Variants in BRICD5 observed in about 807,000 individuals in gnomAD.
The protein encoded by BRICD5 is BRICHOS domain containing 5, also known as BRICHOS domain-containing protein 5.
A neutral mutation model predicts 28.4 loss-of-function variants in BRICD5; 51 were observed. The ratio of observed to expected loss-of-function variants is 1.80; its 90% CI spans 1.43 to 2.27. The LOEUF (loss-of-function observed/expected upper bound fraction) is 2.27. BRICD5 is among the 30% of genes most tolerant of loss of function. The pLI, the probability that BRICD5 is intolerant of heterozygous loss-of-function variation, is 0.00. For missense variants in BRICD5, 456 were observed against 309.6 expected (o/e 1.47, Z -3.55); for synonymous variants, 177 against 130.2 (o/e 1.36, Z -2.44).
intron 2 of BRICD5, 56 bp from the exon 3 acceptor site, chr16:2,210,337 C>T: frequency 6.6e-7 from 1 of 1,505,524 alleles, no homozygotes; most frequent in Non-Finnish European, 8.9e-7. Flanking sequence ...GCACAGCCTC[C>T]AGCTCTGGGC....
chr16:2,209,502 C>T (rs947851884), intron 5 of BRICD5, 46 bp from the exon 6 acceptor site: 3 of 1,612,900 alleles, frequency 1.9e-6, no homozygotes, highest in Admixed American at 3.3e-5. Context: ...GCCCCCAGCT[C>T]CTCAAACCAT....
In BRICD5 at chr16:2,209,783, A is replaced by G. The variant is rs562911512; in HGVS notation, c.439-77T>C. On this transcript the variant is annotated intron_variant, in intron 4 of 5. Transcript: ENST00000328540. ...GCTTGGCAGGGCCGGGTACCCTCCAACCCCCAGTGATGTCCCCACCCTCAG... is the reference window on the plus strand; with the variant it reads ...GCTTGGCAGGGCCGGGTACCCTCCAGCCCCCAGTGATGTCCCCACCCTCAG... 6.2e-6 allele frequency: 9 copies of G among 1,459,932 alleles called. No individual in the cohort carries two copies. In the African/African-American group the frequency reaches 8.5e-5, roughly 14 times the overall value. 90.4% of individuals were successfully genotyped at this position (1,459,932 alleles called of 1,614,324 possible). A position where few individuals can be genotyped will look rare whatever the true frequency, so the allele number is the denominator to read the frequency against.
rs199768716 is a variant in BRICD5, at chr16:2,209,441, C to A, written c.608G>T (p.Arg203Leu). The change falls in exon 6 of 6, where the codon CGG (arginine) becomes CTG (leucine). Residue 203 changes from arginine to leucine, a missense_variant. Physicochemically the swap from Arg to Leu is moderately radical, Grantham distance 102. Coordinates refer to ENST00000328540, the MANE Select transcript of BRICD5 (RefSeq NM_182563.4). Reference sequence around the variant, plus strand: ...GATGTCGATGCAGAGATAAATCAGCCGCTGTCTCCGGGGCCCTGTGGCGAG... The same window carrying A: ...GATGTCGATGCAGAGATAAATCAGCAGCTGTCTCCGGGGCCCTGTGGCGAG... Reference protein sequence around the residue: ...ARRAEGPRRQRLIYLCIDICF... With the variant: ...ARRAEGPRRQLLIYLCIDICF... 1.2e-6 allele frequency: 2 copies of A among 1,613,746 alleles called. No individual in the cohort carries two copies. Among genetic ancestry groups the A allele is most frequent in the Non-Finnish European group, 8.5e-7 (1 of 1,180,006 alleles).
At chr16:2,209,843 G>T in intron 4 of BRICD5, 107 bp downstream of exon 4, 1 of 1,384,092 alleles carries the variant, frequency 7.2e-7, no homozygotes, top group Non-Finnish European at 9.7e-7. Flanking sequence ...GGCGGAGAGA[G>T]CTTCCTGTTC....
rs138073931 is a variant in BRICD5 at position 2,209,454 on chromosome 16, G to A, written c.595C>T (p.Pro199Ser). The change falls in exon 6 of 6, where the codon CCC (proline) becomes TCC (serine). Residue 199 changes from proline to serine, a missense_variant and splice_region_variant. By Grantham distance (74) the Pro-to-Ser change is moderately conservative. Coordinates refer to ENST00000328540, the MANE Select transcript of BRICD5 (RefSeq NM_182563.4). ...AGATAAATCAGCCGCTGTCTCCGGGGCCCTGTGGCGAGGGTGCCGTGAATC... is the reference window on the plus strand; with the variant it reads ...AGATAAATCAGCCGCTGTCTCCGGGACCCTGTGGCGAGGGTGCCGTGAATC... ...PIYWARRAEG[P>S]RRQRLIYLCI... 2.4e-5 allele frequency: 38 copies of A among 1,613,602 alleles called. No individual in the cohort carries two copies. The highest frequency in any genetic ancestry group is 3.3e-5 in the Admixed American group (2 of 60,024).
intron 2 of BRICD5, 67 bp from the exon 3 acceptor site, chr16:2,210,348 T>C (rs2141398139): frequency 1.3e-6 from 2 of 1,515,506 alleles, no homozygotes; most frequent in South Asian, 1.3e-5. Flanking sequence ...AGCTCTGGGC[T>C]GCAGGACTCC....
intron 4 of BRICD5, 108 bp from the exon 5 acceptor site, chr16:2,209,814 G>A: frequency 1.4e-6 from 2 of 1,410,160 alleles, no homozygotes. Flanking sequence ...CTCAGCTCTT[G>A]TCAGCAGCCT....
Position 2,210,567 on chromosome 16 carries a change from C to T in BRICD5, c.135G>A (p.Gly45=), listed in dbSNP as rs2093369357. ...AGCCAAGAAGCCCTCCAGCCACAACCCCCACAGCGGCCAGCACCAGCAGCA... is the reference window on the plus strand; with the variant it reads ...AGCCAAGAAGCCCTCCAGCCACAACTCCCACAGCGGCCAGCACCAGCAGCA... ...LLLLLVLAAV[G]VVAGGLLGSA... The change falls in exon 2 of 6, where the codon GGG becomes GGA. Residue 45 remains glycine, a synonymous_variant. Coordinates refer to ENST00000328540, the MANE Select transcript of BRICD5 (RefSeq NM_182563.4). 6.2e-7 allele frequency: 1 copy of T among 1,612,668 alleles called. No homozygotes were observed. The highest frequency in any genetic ancestry group is 2.2e-5 in the East Asian group (1 of 44,882).
chr16:2,209,905 T>C (rs2093365640), intron 4 of BRICD5, 45 bp downstream of exon 4: 1 of 1,467,690 alleles, frequency 6.8e-7, no homozygotes, highest in South Asian at 1.4e-5. Context: ...ACAGGACCCT[T>C]TGTCTAGCCC....
At position 2,209,455 on chromosome 16, in the gene BRICD5, C is replaced by T. The variant is rs2093361733; in HGVS notation, c.594G>A (p.Gly198=). 3.7e-5 allele frequency: 60 copies of T among 1,613,548 alleles called. No homozygotes were observed. Among genetic ancestry groups the T allele is most frequent in the Non-Finnish European group, 5.0e-5 (59 of 1,180,026 alleles). The change falls in exon 6 of 6, where the codon GGG becomes GGA. Residue 198 remains glycine (G), a splice_region_variant and synonymous_variant. Coordinates refer to ENST00000328540, the MANE Select transcript of BRICD5 (RefSeq NM_182563.4). ...TPIYWARRAE[G]PRRQRLIYLC... ...GATAAATCAGCCGCTGTCTCCGGGG[C>T]CCTGTGGCGAGGGTGCCGTGAATCT...
chr16:2,210,508 G>A lies in BRICD5; in HGVS notation c.180+14C>T. On this transcript the variant is annotated intron_variant, in intron 2 of 5. Transcript: ENST00000328540. The stretch of plus-strand genomic sequence containing the variant: ...TTCCACTGTCCATGTCCCTGGTGCT[G>A]AGGAGGGGCTCACCTTGGGAGGGCC... The A allele has an allele frequency of 1.3e-6, 2 of 1,596,104 alleles. No homozygotes were observed. The highest frequency in any genetic ancestry group is 1.1e-5 in the South Asian group (1 of 89,298).
Position 2,210,263 on chromosome 16 carries a change from G to C in BRICD5, c.199C>G (p.Arg67Gly). ...GPPKPRLQTL[R>G]MTLPSPHMPR... ...ATGTGGGGGCTCGGGAGGGTCATTC[G>C]CAGCGTCTGCAGCCTTGGCTGGCAG... Residue 67 changes from arginine to glycine, a missense_variant, in exon 3 of 6, where the codon CGA (arginine) becomes GGA (glycine). By Grantham distance (125) the Arg-to-Gly change is moderately radical (BLOSUM62 -2). Transcript: ENST00000328540. The C allele has an allele frequency of 2.6e-6, 4 of 1,534,284 alleles. No homozygotes were observed. The South Asian group carries it at 4.7e-5, about 18-fold the overall frequency.
In BRICD5 at chr16:2,209,534, C is replaced by G. The variant is rs759258705; in HGVS notation, c.592+19G>C. 1.9e-6 allele frequency: 3 copies of G among 1,612,308 alleles called. No individual in the cohort carries two copies. Among genetic ancestry groups the G allele is most frequent in the East Asian group, 2.2e-5 (1 of 44,900 alleles). ...CCATCCCGAGGGCCTGGCCTTCCCC[C>G]ACAGCGGTCCTGACTCACCCTCTGC... On this transcript the variant is annotated intron_variant, in intron 5 of 5. Coordinates refer to ENST00000328540, the MANE Select transcript of BRICD5 (RefSeq NM_182563.4).
In BRICD5 at chr16:2,210,044, A is replaced by G. The variant is rs778225294; in HGVS notation, c.344T>C (p.Ile115Thr). ...AVLFDGQSGC[I>T]CYRPEEHQVC... is the part of the protein sequence containing the mutation. ...CTGGTGCTCCTCAGGGCGGTAACAG[A>G]TGCAGCCCTGGGGAGGCAGGGGGGT... The change falls in exon 4 of 6, where the codon ATC becomes ACC. Residue 115 changes from isoleucine to threonine, a missense_variant. Physicochemically the swap from Ile to Thr is moderately conservative, Grantham distance 89. Transcript: ENST00000328540. 15 of 1,596,376 alleles carry G rather than the reference A, an allele frequency of 9.4e-6. 1 individual carries two copies. The South Asian group carries it at 1.7e-4, about 18-fold the overall frequency.
At chr16:2,209,748 C>A (rs2093364325) in intron 4 of BRICD5, 42 bp from the exon 5 acceptor site, 1 of 1,555,546 alleles carries the variant, frequency 6.4e-7, no homozygotes, top group African/African-American at 1.4e-5. Context: ...AGGGCTGCTC[C>A]CTGCTCCTGG....
chr16:2,210,652 T>C lies in BRICD5; in HGVS notation c.52-2A>G, dbSNP rs140372678. ...CCCGCAGGAGGGCTTGGTCTTCACC[T>C]GGGCGTGCATCAGGGTCAGAAGGGT... On this transcript the variant is annotated splice_acceptor_variant, in intron 1 of 5. Coordinates refer to ENST00000328540, the MANE Select transcript of BRICD5 (RefSeq NM_182563.4). LOFTEE classifies it high-confidence loss of function. 13 of 1,610,692 alleles carry C rather than the reference T, an allele frequency of 8.1e-6. No homozygotes were observed. The highest frequency in any genetic ancestry group is 8.0e-5 in the African/African-American group (6 of 74,862).
chr16:2,210,376 C>T, intron 2 of BRICD5, 95 bp from the exon 3 acceptor site: 2 of 1,530,356 alleles, frequency 1.3e-6, no homozygotes, highest in Admixed American at 1.9e-5. Context: ...CCTGAGTGGG[C>T]CCTTCCACCC....
Position 2,209,669 on chromosome 16 carries a change from T to G in BRICD5, c.476A>C (p.His159Pro). The G allele has an allele frequency of 6.2e-7, 1 of 1,613,080 alleles. No homozygotes were observed. The highest frequency in any genetic ancestry group is 8.5e-7 in the Non-Finnish European group (1 of 1,179,672). ...EAWVPSQDTH[H>P]TQELLAVQGS... ...CTGCACTGCCAGCAGCTCCTGGGTG[T>G]GGTGGGTGTCCTGGCTGGGGACCCA... Residue 159 changes from histidine to proline, a missense_variant, in exon 5 of 6, where the codon CAC becomes CCC. By Grantham distance (77) the His-to-Pro change is moderately conservative. Coordinates refer to ENST00000328540, the MANE Select transcript of BRICD5 (RefSeq NM_182563.4).
chr16:2,209,562 G>A lies in BRICD5; in HGVS notation c.583C>T (p.Arg195Ter), dbSNP rs374169284. The A allele has an allele frequency of 9.3e-6, 15 of 1,611,744 alleles. No individual in the cohort carries two copies. Among genetic ancestry groups the A allele is most frequent in the East Asian group, 6.7e-5 (3 of 44,894 alleles). The stretch of plus-strand genomic sequence containing the variant: ...AGCGGTCCTGACTCACCCTCTGCTC[G>A]CCGGGCCCAGTAGATGGGGGTCCTC... ...CMRTPIYWARRAEGPRRQRLI... is the reference protein window; with the variant it reads ...CMRTPIYWAR The change falls in exon 5 of 6, where the codon CGA becomes TGA. Residue 195 changes from arginine (R) to a stop codon, truncating the protein, a stop_gained. Transcript: ENST00000328540. LOFTEE classifies it high-confidence loss of function.
Sources: gnomAD v4.1 joint callset for allele counts on GRCh38, gnomAD v4.1.1 for gene constraint, MANE v1.5 for transcripts, NCBI Gene and HGNC (gene_info 2026-07-23, HGNC 2026-07-21) for gene names.